The following ITPR1 variants were observed in gnomAD, a reference collection of about 807,000 sequenced individuals.
ITPR1 encodes inositol 1,4,5-trisphosphate receptor type 1, also known as inositol 1,4,5-trisphosphate-gated calcium channel ITPR1.
Under a neutral mutation model 318.4 loss-of-function variants are expected in ITPR1, and 96 were observed. The observed-to-expected ratio is 0.30, with a 90% confidence interval of 0.26 to 0.36. The LOEUF is 0.36. Among genes scored for constraint, ITPR1 ranks in the 10% least tolerant of loss-of-function variants. The pLI is 1.00. For synonymous variants in ITPR1, 1,312 were observed against 1,289.9 expected (o/e 1.02, Z -0.37); for missense variants, 2,440 against 3,460.2 (o/e 0.71, Z 7.40).
intron 46 of ITPR1, 121 bp downstream of exon 46, chr3:4,768,885 G>T: frequency 3.2e-6 from 3 of 950,982 alleles, no homozygotes; most frequent in East Asian, 2.6e-5. Context: ...ATCCAGCAAG[G>T]TTCTTTTTTT....
intron 4 of ITPR1, among the ~76,000 whole-genome samples, chr3:4,585,243 T>C (rs2089772741): frequency 6.6e-6 from 1 of 152,216 alleles, no homozygotes; most frequent in African/African-American, 2.4e-5. Context: ...GGGCCAAGCA[T>C]AGAAACCCAA....
rs1278745379 is a variant in ITPR1 at position 4,680,589 on chromosome 3, T to A, written c.3004T>A (p.Cys1002Ser). ...LNVRLDYRIS[C>S]LLCIFKREFD... ...TGTGAGGTTGGATTATAGGATCTCC[T>A]GCCTCCTGTGTATATTTAAGCGAGA... Residue 1002 changes from cysteine to serine, a missense_variant, in exon 25 of 62, where the codon TGC (cysteine) becomes AGC (serine). Physicochemically the swap from Cys to Ser is moderately radical, Grantham distance 112. This residue lies in a region of ITPR1 where 57 missense variants were observed against 46.2 expected (regional missense o/e 1.23). Transcript: ENST00000649015. 1 of 1,613,062 alleles carries A rather than the reference T, an allele frequency of 6.2e-7. No homozygotes were observed. The highest frequency in any genetic ancestry group is 1.1e-5 in the South Asian group (1 of 91,062).
At position 4,665,198 on chromosome 3, in the gene ITPR1, G is replaced by C; in HGVS notation, c.1615G>C (p.Glu539Gln). The stretch of plus-strand genomic sequence containing the variant: ...CGGTGATGGCCCAATGCTTCGGCTG[G>C]AAGAGCTCGGGGACCAGCGGCACGC... Reference protein sequence around the residue: ...DCGDGPMLRLEELGDQRHAPF... With the variant: ...DCGDGPMLRLQELGDQRHAPF... Residue 539 changes from glutamate to glutamine, a missense_variant, in exon 17 of 62, where the codon GAA (glutamate) becomes CAA (glutamine). Around this residue, in one of 23 missense-constraint regions of ITPR1, gnomAD observed 478 missense variants for 696.3 expected, o/e 0.69. Transcript: ENST00000649015. The C allele has an allele frequency of 6.2e-7, 1 of 1,614,046 alleles. No homozygotes were observed. Among genetic ancestry groups the C allele is most frequent in the Non-Finnish European group, 8.5e-7 (1 of 1,179,874 alleles).
intron 39 of ITPR1, among the ~76,000 whole-genome samples, chr3:4,715,395 G>C (rs2125289426): frequency 6.6e-6 from 1 of 152,298 alleles, no homozygotes. Context: ...ACACAGTTGA[G>C]AACACTCTCC....
intron 4 of ITPR1, among the ~76,000 whole-genome samples, 158 bp downstream of exon 4, chr3:4,521,252 A>G (rs895040967): frequency 3.3e-5 from 5 of 152,192 alleles, no homozygotes; most frequent in Non-Finnish European, 7.3e-5. Flanking sequence ...AACTTGAAAA[A>G]TGCATACATA....
chr3:4,642,546 G>T (rs900848676), intron 7 of ITPR1, among the ~76,000 whole-genome samples: 1 of 151,960 alleles, frequency 6.6e-6, no homozygotes, highest in Admixed American at 6.6e-5. Context: ...TCCTGGAGAG[G>T]GTCCCTGTCA....
intron 4 of ITPR1, among the ~76,000 whole-genome samples, chr3:4,626,385 G>T (rs1429095587): frequency 6.6e-6 from 1 of 152,134 alleles, no homozygotes; most frequent in Non-Finnish European, 1.5e-5. Flanking sequence ...TTAGGGTAAT[G>T]TTCATCATTA....
At chr3:4,725,953 T>C (rs2042485659) in intron 41 of ITPR1, among the ~76,000 whole-genome samples, 1 of 152,244 alleles carries the variant, frequency 6.6e-6, no homozygotes. Context: ...TTTGAAGTTA[T>C]TATAAATCAA....
intron 34 of ITPR1, among the ~76,000 whole-genome samples, chr3:4,697,809 A>G (rs2094584272): frequency 6.6e-6 from 1 of 152,062 alleles, no homozygotes; most frequent in Non-Finnish European, 1.5e-5. Flanking sequence ...ATCTGCAGGG[A>G]AGAGAGGTTA....
intron 59 of ITPR1, among the ~76,000 whole-genome samples, chr3:4,816,474 C>T (rs1381393043): frequency 6.6e-6 from 1 of 152,206 alleles, no homozygotes; most frequent in Non-Finnish European, 1.5e-5. Flanking sequence ...TAACCTCCAC[C>T]TCCCAGGGTT....
chr3:4,632,617 T>C (rs1317808884), intron 5 of ITPR1, among the ~76,000 whole-genome samples: 2 of 152,310 alleles, frequency 1.3e-5, no homozygotes, highest in East Asian at 3.9e-4. Context: ...AATTAAGGCT[T>C]GAAATATACA....
chr3:4,603,575 G>A (rs1163637707), intron 4 of ITPR1, among the ~76,000 whole-genome samples: 3 of 152,176 alleles, frequency 2.0e-5, no homozygotes, highest in Non-Finnish European at 2.9e-5. Flanking sequence ...GACTACAGGG[G>A]CGCGCCACCA....
chr3:4,592,872 C>T (rs1037676203), intron 4 of ITPR1, among the ~76,000 whole-genome samples: 2 of 152,108 alleles, frequency 1.3e-5, no homozygotes, highest in African/African-American at 4.8e-5. Flanking sequence ...TGAATTCCAT[C>T]CAAATACAGG....
intron 2 of ITPR1, among the ~76,000 whole-genome samples, chr3:4,512,047 G>A (rs750992430): frequency 3.3e-5 from 5 of 152,150 alleles, no homozygotes; most frequent in South Asian, 2.1e-4. Flanking sequence ...GAATGCAGTG[G>A]TATGATCACA....
Position 4,668,243 on chromosome 3 carries a change from A to AC in ITPR1, c.1886+695dup, listed in dbSNP as rs1238278618. Among the ~76,000 whole-genome samples the AC allele has an allele frequency of 3.2e-4, 47 of 144,662 alleles. No homozygotes were observed. In the East Asian group the frequency reaches 7.9e-3, roughly 24 times the overall value. The allele number at this position is 144,662 out of a possible 152,430, so 94.9% of individuals were successfully genotyped here. ...TTTTTTTTTTTTTTTTTACCTGTTA[A>AC]CATCCCCACCTCCCCCCTGCCCTCC... On this transcript the variant is annotated intron_variant, in intron 18 of 61. Coordinates refer to ENST00000649015, the MANE Select transcript of ITPR1 (RefSeq NM_001378452.1).
At chr3:4,812,362 G>GC (rs1273700418) in intron 56 of ITPR1, among the ~76,000 whole-genome samples, 1 of 152,128 alleles carries the variant, frequency 6.6e-6, no homozygotes, top group Non-Finnish European at 1.5e-5. Context: ...AAATTAAAAA[G>GC]CCCATATACA....
chr3:4,745,376 A>G (rs1278475147), intron 44 of ITPR1, among the ~76,000 whole-genome samples: 1 of 152,136 alleles, frequency 6.6e-6, no homozygotes, highest in Non-Finnish European at 1.5e-5. Flanking sequence ...AGGAAATTGT[A>G]TATGTAGCCT....
At chr3:4,837,323 C>A (rs1211495607) in intron 61 of ITPR1, among the ~76,000 whole-genome samples, 1 of 152,128 alleles carries the variant, frequency 6.6e-6, no homozygotes, top group Non-Finnish European at 1.5e-5. Context: ...TCCTAGCCCT[C>A]AGACTTGTCA....
intron 44 of ITPR1, among the ~76,000 whole-genome samples, chr3:4,753,198 C>T (rs2044679895): frequency 6.6e-6 from 1 of 151,984 alleles, no homozygotes; most frequent in Non-Finnish European, 1.5e-5. Flanking sequence ...CGGTCAGGGG[C>T]AGAGCTGCGG....
Sources: gnomAD v4.1 joint callset for allele counts (sites outside exome capture counted in the v4.1 genomes callset) on GRCh38, gnomAD v4.1.1 for gene constraint, gnomAD v4.1.1 regional missense constraint, MANE v1.5 for transcripts, NCBI Gene and HGNC (gene_info 2026-07-23, HGNC 2026-07-21) for gene names.